Variants in LMBRD1 observed in about 807,000 individuals in gnomAD.
LMBRD1 encodes LMBR1 domain containing 1, also known as lysosomal cobalamin transport escort protein LMBD1.
In LMBRD1, 64 loss-of-function variants were observed where a neutral mutation model predicts 74.8. The ratio of observed to expected loss-of-function variants is 0.86; its 90% CI spans 0.70 to 1.05. The LOEUF (loss-of-function observed/expected upper bound fraction) is 1.05. Among genes scored for constraint, LMBRD1 ranks in the 50% least tolerant of loss-of-function variants. LMBRD1 has a pLI of 0.00. For missense variants in LMBRD1, 652 were observed against 645.9 expected, an observed-to-expected ratio of 1.01 and a Z score of -0.10; for synonymous variants, 204 against 216.3, an observed-to-expected ratio of 0.94 and a Z score of 0.50.
intron 3 of LMBRD1, among the ~76,000 whole-genome samples, chr6:69,764,848 T>C (rs1189054232): frequency 6.6e-6 from 1 of 152,138 alleles, no homozygotes; most frequent in African/African-American, 2.4e-5. Context: ...GTTTCTCCTA[T>C]GAATCATGCT....
In LMBRD1 at chr6:69,771,693, C is replaced by T. The variant is rs1027644980; in HGVS notation, c.307+8801G>A. On this transcript the variant is annotated intron_variant, in intron 3 of 15. Transcript: ENST00000649934. The stretch of plus-strand genomic sequence containing the variant: ...GCCCTGCAGGCTTCAGTAATGACTT[C>T]GTCATTTCCTCTGAATTACATGGGA... Among the ~76,000 whole-genome samples, 14 of 123,260 alleles carry T rather than the reference C, an allele frequency of 1.1e-4. No homozygotes were observed. In the East Asian group the frequency reaches 2.4e-3, roughly 21 times the overall value. The allele number at this position is 123,260 out of a possible 152,430, so 80.9% of individuals were successfully genotyped here. A position where few individuals can be genotyped will look rare whatever the true frequency, so the allele number is the denominator to read the frequency against.
intron 6 of LMBRD1, among the ~76,000 whole-genome samples, chr6:69,740,872 A>G (rs533824338): frequency 6.6e-6 from 1 of 152,264 alleles, no homozygotes; most frequent in East Asian, 1.9e-4. Flanking sequence ...TTCTAATGCC[A>G]GTTATTTTTT....
intron 14 of LMBRD1, among the ~76,000 whole-genome samples, chr6:69,694,664 A>T (rs903116761): frequency 3.4e-4 from 52 of 152,120 alleles, no homozygotes; most frequent in African/African-American, 1.3e-3. Flanking sequence ...TTATTTTCTA[A>T]CCTTCAAATT....
chr6:69,678,893 T>C (rs1171915134), intron 14 of LMBRD1, among the ~76,000 whole-genome samples: 2 of 152,064 alleles, frequency 1.3e-5, no homozygotes, highest in African/African-American at 2.4e-5. Context: ...TATCAACATA[T>C]AAGACTTGTT....
At chr6:69,789,309 G>T (rs1452616490) in intron 2 of LMBRD1, among the ~76,000 whole-genome samples, 2 of 152,098 alleles carry the variant, frequency 1.3e-5, no homozygotes, top group African/African-American at 4.8e-5. Flanking sequence ...GATCACTCGA[G>T]GCCAGAAGTT....
At chr6:69,749,918 A>G (rs1562111625) in intron 4 of LMBRD1, among the ~76,000 whole-genome samples, 51 of 108,304 alleles carry the variant, frequency 4.7e-4, no homozygotes, top group African/African-American at 1.9e-3. Context: ...ATAAGTATAT[A>G]TACACATATA....
intron 6 of LMBRD1, among the ~76,000 whole-genome samples, chr6:69,740,131 A>T (rs529389303): frequency 6.6e-6 from 1 of 152,096 alleles, no homozygotes; most frequent in Non-Finnish European, 1.5e-5. Context: ...CAATCAATAA[A>T]AAGGTCATAT....
rs935274106 is a variant in LMBRD1, at chr6:69,713,725, G to A, written c.835C>T (p.Leu279Phe). ...LKQFEERLRT[L>F]KKRERHLEFI... Reference sequence around the variant, plus strand: ...TCTAAATGCCTCTCTCTCTTCTTAAGTGTTCGTAACCTTTCTTCAAATTGT... The same window carrying A: ...TCTAAATGCCTCTCTCTCTTCTTAAATGTTCGTAACCTTTCTTCAAATTGT... Residue 279 changes from leucine (L) to phenylalanine (F), a missense_variant, in exon 9 of 16, where the codon CTT becomes TTT. Physicochemically the swap from Leu to Phe is conservative, Grantham distance 22. Transcript: ENST00000649934. The A allele has an allele frequency of 1.2e-6, 2 of 1,613,550 alleles. No homozygotes were observed. The highest frequency in any genetic ancestry group is 8.5e-7 in the Non-Finnish European group (1 of 1,179,724).
At chr6:69,739,666 G>C (rs1336647391) in intron 6 of LMBRD1, among the ~76,000 whole-genome samples, 1 of 152,088 alleles carries the variant, frequency 6.6e-6, no homozygotes, top group Non-Finnish European at 1.5e-5. Flanking sequence ...GCCTCTCATG[G>C]GAGATGATAT....
At chr6:69,719,911 G>C (rs1397002879) in intron 7 of LMBRD1, among the ~76,000 whole-genome samples, 3 of 152,128 alleles carry the variant, frequency 2.0e-5, no homozygotes, top group Non-Finnish European at 2.9e-5. Context: ...ATTGAGTTCA[G>C]GACAATGAAT....
intron 7 of LMBRD1, among the ~76,000 whole-genome samples, chr6:69,720,429 G>A (rs542822905): frequency 6.6e-6 from 1 of 152,272 alleles, no homozygotes; most frequent in South Asian, 2.1e-4. Flanking sequence ...CGGGGTGGAA[G>A]AAGATTCTGT....
In LMBRD1 at chr6:69,701,562, A is replaced by G. The variant is rs756762965; in HGVS notation, c.981-17T>C. 10 of 1,465,936 alleles carry G rather than the reference A, an allele frequency of 6.8e-6. 1 individual carries two copies. In the South Asian group the frequency reaches 1.2e-4, roughly 17 times the overall value. The allele number at this position is 1,465,936 out of a possible 1,614,324, so 90.8% of individuals were successfully genotyped here. On this transcript the variant is annotated splice_polypyrimidine_tract_variant and intron_variant, in intron 10 of 15. Coordinates refer to ENST00000649934, the MANE Select transcript of LMBRD1 (RefSeq NM_018368.4). ...TTATCTAAACTAAAAAAAATTACAA[A>G]GAATGAAATTTATGTTATACTATCA...
At chr6:69,790,566 T>A in intron 1 of LMBRD1, 94 bp from the exon 2 acceptor site, 1 of 1,240,264 alleles carries the variant, frequency 8.1e-7, no homozygotes, top group Non-Finnish European at 1.2e-6. Context: ...AAACCTTATG[T>A]GAAGTAAAGG....
chr6:69,715,799 A>G (rs1297727097), intron 8 of LMBRD1, among the ~76,000 whole-genome samples: 2 of 152,018 alleles, frequency 1.3e-5, no homozygotes, highest in Non-Finnish European at 2.9e-5. Flanking sequence ...AGTGGGCCCT[A>G]GTATGCACTG....
chr6:69,676,150 G>A lies in LMBRD1; in HGVS notation c.*8C>T, dbSNP rs781441352. The A allele has an allele frequency of 4.4e-6, 7 of 1,600,514 alleles. No homozygotes were observed. The South Asian group carries it at 6.6e-5, about 15-fold the overall frequency. On this transcript the variant is annotated 3_prime_UTR_variant, in exon 16 of 16. Coordinates refer to ENST00000649934, the MANE Select transcript of LMBRD1 (RefSeq NM_018368.4). The stretch of plus-strand genomic sequence containing the variant: ...TCAGCATTATAAAACCTTTAAGACA[G>A]AAGGCTGTCAAGCAGAATAGACAGA...
chr6:69,728,052 A>T (rs1766773281), intron 7 of LMBRD1, among the ~76,000 whole-genome samples: 1 of 152,222 alleles, frequency 6.6e-6, no homozygotes, highest in African/African-American at 2.4e-5. Context: ...AAGAGGTTTA[A>T]TTGGCTCACG....
In LMBRD1 at chr6:69,700,918, C is replaced by T. The variant is rs1052002552; in HGVS notation, c.1084-49G>A. ...ATTTAACATATAAACTATAAGCACT[C>T]TAACAGTCATATAAAATAAGCTAAA... On this transcript the variant is annotated intron_variant, in intron 11 of 15. Transcript: ENST00000649934. 1.2e-5 allele frequency: 13 copies of T among 1,115,572 alleles called. No homozygotes were observed. The African/African-American group carries it at 1.6e-4, about 14-fold the overall frequency. 69.1% of individuals were successfully genotyped at this position (1,115,572 alleles called of 1,614,324 possible).
chr6:69,676,683 G>C lies in LMBRD1; in HGVS notation c.1418-142C>G. 4.1e-6 allele frequency: 3 copies of C among 727,632 alleles called. No individual in the cohort carries two copies. The Admixed American group carries it at 6.2e-5, about 15-fold the overall frequency. 45.1% of individuals were successfully genotyped at this position (727,632 alleles called of 1,614,324 possible). On this transcript the variant is annotated intron_variant, in intron 14 of 15. Transcript: ENST00000649934. ...GTGTCAGAGATGGTACTGAAACTTAGGTCTCTCTCCAAAGCCCACTCTTTC... is the reference window on the plus strand; with the variant it reads ...GTGTCAGAGATGGTACTGAAACTTACGTCTCTCTCCAAAGCCCACTCTTTC...
chr6:69,719,111 A>G lies in LMBRD1; in HGVS notation c.637-30T>C, dbSNP rs113607622. ...AAGAAAAACAATTGAAATGTTTTAG[A>G]AATAATGTTTCAAACATATTATACA... is the stretch of plus-strand genomic sequence containing the variant. On this transcript the variant is annotated intron_variant, in intron 7 of 15. Transcript: ENST00000649934. The G allele has an allele frequency of 5.2e-4, 831 of 1,600,376 alleles. 5 individuals are homozygous for G. The African/African-American group carries it at 9.3e-3, about 18-fold the overall frequency.
Sources: allele counts gnomAD v4.1 joint callset (sites outside exome capture counted in the v4.1 genomes callset), GRCh38; gene constraint gnomAD v4.1.1; transcripts MANE v1.5; gene names NCBI Gene and HGNC (gene_info 2026-07-23, HGNC 2026-07-21).